Variants in CHCT1 observed in about 807,000 individuals in gnomAD.
The protein encoded by CHCT1 is CHD1 helical C-terminal domain containing 1, also known as CHD1 helical C-terminal domain containing protein 1.
chr17:60,426,258 G>T, the CHCT1 span: 5 of 1,551,932 alleles, frequency 3.2e-6, no homozygotes, highest in Admixed American at 2.0e-5. Flanking sequence ...ATGAAGCAGA[G>T]CCTTGTGGTC....
At chr17:60,422,619 T>C in the CHCT1 span, 1 of 1,540,210 alleles carries the variant, frequency 6.5e-7, no homozygotes. Context: ...GGCAAGGGGG[T>C]GAAGGGGACA....
chr17:60,430,191 A>G, the CHCT1 span, among the ~76,000 whole-genome samples: 1 of 146,944 alleles, frequency 6.8e-6, no homozygotes, highest in Admixed American at 6.9e-5. Context: ...TATTCAGCAG[A>G]ATGTTCTCCT....
At chr17:60,421,519 A>G in the CHCT1 span, 2 of 985,482 alleles carry the variant, frequency 2.0e-6, no homozygotes, top group Non-Finnish European at 2.4e-6. Context: ...CCGGGCCCAG[A>G]GGACACGAAG....
the CHCT1 span, chr17:60,429,523 T>C: frequency 6.2e-7 from 1 of 1,614,222 alleles, no homozygotes; most frequent in Middle Eastern, 1.6e-4. Context: ...GCCCCCTGCC[T>C]GGGCAGCCAA....
chr17:60,430,122 CTTTTTTTTT>C, the CHCT1 span, among the ~76,000 whole-genome samples: 3,674 of 64,424 alleles, frequency 0.057, 88 homozygotes, highest in Non-Finnish European at 0.11. Flanking sequence ...ACGCACCTGG[CTTTTTTTTT>C]TTTTTTTTTT....
At chr17:60,426,287 A>G in the CHCT1 span, 1 of 1,551,786 alleles carries the variant, frequency 6.4e-7, no homozygotes, top group Non-Finnish European at 8.7e-7. Context: ...CCACATCAAC[A>G]CCTTTCTGCA....
At chr17:60,426,886 G>A in the CHCT1 span, 2 of 1,539,806 alleles carry the variant, frequency 1.3e-6, no homozygotes, top group Non-Finnish European at 1.7e-6. Flanking sequence ...CTTGCGGGGA[G>A]GCCTGGGATT....
At chr17:60,429,787 A>G in the CHCT1 span, among the ~76,000 whole-genome samples, 2 of 151,756 alleles carry the variant, frequency 1.3e-5, no homozygotes, top group African/African-American at 4.8e-5. Flanking sequence ...AGGCTTGCTC[A>G]TTATAGAAAG....
the CHCT1 span, chr17:60,425,791 T>C: frequency 6.4e-7 from 1 of 1,550,972 alleles, no homozygotes. Context: ...AGGTGACAAA[T>C]GTGTCATGCC....
chr17:60,426,463 A>C, the CHCT1 span: 8 of 1,159,322 alleles, frequency 6.9e-6, no homozygotes, highest in Non-Finnish European at 9.5e-6. Flanking sequence ...GCCTGAGGGG[A>C]TGGAGAGAGC....
chr17:60,429,574 G>A, the CHCT1 span: 1 of 1,610,596 alleles, frequency 6.2e-7, no homozygotes, highest in South Asian at 1.1e-5. Flanking sequence ...ACCATTTGGT[G>A]TTGGGGTGAT....
the CHCT1 span, chr17:60,421,832 T>C: frequency 1.0e-6 from 1 of 983,992 alleles, no homozygotes; most frequent in Non-Finnish European, 1.2e-6. Flanking sequence ...GACACCCGGC[T>C]CCCCGCCTGG....
the CHCT1 span, among the ~76,000 whole-genome samples, chr17:60,428,810 T>A: frequency 6.6e-6 from 1 of 152,042 alleles, no homozygotes; most frequent in Non-Finnish European, 1.5e-5. Context: ...ATATATAGTC[T>A]TTGAATTTTA....
chr17:60,431,182 T>C, the CHCT1 span: 1 of 1,592,552 alleles, frequency 6.3e-7, no homozygotes, highest in Non-Finnish European at 8.6e-7. Flanking sequence ...CTTTTTCAGA[T>C]TCTTTAAGGG....
the CHCT1 span, chr17:60,426,363 C>T: frequency 6.5e-7 from 1 of 1,532,510 alleles, no homozygotes; most frequent in Non-Finnish European, 8.8e-7. Flanking sequence ...GCTCTGCTCC[C>T]CATACCTACT....
chr17:60,425,857 G>A, the CHCT1 span: 4 of 1,551,734 alleles, frequency 2.6e-6, no homozygotes, highest in Non-Finnish European at 3.5e-6. Context: ...GCCATGCCAA[G>A]GGCCTGGATC....
chr17:60,423,471 G>A, the CHCT1 span, among the ~76,000 whole-genome samples: 1 of 151,590 alleles, frequency 6.6e-6, no homozygotes, highest in South Asian at 2.1e-4. Context: ...GGGATTACAG[G>A]TGTGAGCCAC....
the CHCT1 span, chr17:60,422,609 G>C: frequency 3.2e-6 from 5 of 1,550,596 alleles, no homozygotes; most frequent in Non-Finnish European, 4.4e-6. Flanking sequence ...GCCTCAGATG[G>C]GCAAGGGGGT....
the CHCT1 span, among the ~76,000 whole-genome samples, chr17:60,424,227 G>A: frequency 3.3e-5 from 5 of 152,114 alleles, no homozygotes; most frequent in South Asian, 2.1e-4. Context: ...TGGGGATCAC[G>A]TTTCAACATG....
Sources: allele counts gnomAD v4.1 joint callset (sites outside exome capture counted in the v4.1 genomes callset), GRCh38; gene constraint gnomAD v4.1.1; transcripts MANE v1.5; gene names NCBI Gene and HGNC (gene_info 2026-07-23, HGNC 2026-07-21).